Variants in EDEM3 observed in about 807,000 individuals in gnomAD.
The protein encoded by EDEM3 is ER degradation-enhancing alpha-mannosidase-like protein 3.
A neutral mutation model predicts 110.2 loss-of-function variants in EDEM3; 60 were observed. The observed-to-expected ratio is 0.54, with a 90% CI of 0.44 to 0.67. EDEM3 has a LOEUF of 0.67. EDEM3 is among the 30% of genes least tolerant of loss of function. The probability of loss-of-function intolerance (pLI) is 0.00; values close to 1 mark genes in which losing one functional copy is unlikely to be tolerated. For synonymous variants in EDEM3, 352 were observed against 382.9 expected, an observed-to-expected ratio of 0.92 and a Z score of 0.94; for missense variants, 996 against 1,121.0, an observed-to-expected ratio of 0.89 and a Z score of 1.59.
In EDEM3 at chr1:184,717,647, G is replaced by T. The variant is rs1459379582; in HGVS notation, c.1162-24C>A. 5 of 1,559,508 alleles carry T rather than the reference G, an allele frequency of 3.2e-6. No homozygotes were observed. The Admixed American group carries it at 7.8e-5, about 24-fold the overall frequency. ...GCCTGAACAAAACAACATACAAAAG[G>T]CATAAAAAATGTGATTAAATACACA... On this transcript the variant is annotated intron_variant, in intron 11 of 19. Coordinates refer to ENST00000318130, the MANE Select transcript of EDEM3 (RefSeq NM_025191.4).
chr1:184,697,439 A>G (rs1243518976), intron 19 of EDEM3, among the ~76,000 whole-genome samples: 1 of 151,914 alleles, frequency 6.6e-6, no homozygotes. Context: ...AGAATCAGTG[A>G]GGGGAGAGTT....
chr1:184,725,737 A>C (rs1651155810), intron 7 of EDEM3, among the ~76,000 whole-genome samples: 1 of 152,004 alleles, frequency 6.6e-6, no homozygotes, highest in Non-Finnish European at 1.5e-5. Flanking sequence ...TTTTAATGAG[A>C]GACATAGCTA....
chr1:184,704,333 A>G (rs1649790991), intron 18 of EDEM3, among the ~76,000 whole-genome samples: 1 of 152,150 alleles, frequency 6.6e-6, no homozygotes, highest in Admixed American at 6.6e-5. Context: ...AGGAGAAAGA[A>G]GTCAACACAA....
chr1:184,717,631 A>G lies in EDEM3; in HGVS notation c.1162-8T>C, dbSNP rs780349606. ...GAAATCTGTGGTAAATGCCTGAACA[A>G]AACAACATACAAAAGGCATAAAAAA... On this transcript the variant is annotated splice_region_variant and splice_polypyrimidine_tract_variant and intron_variant, in intron 11 of 19. Coordinates refer to ENST00000318130, the MANE Select transcript of EDEM3 (RefSeq NM_025191.4). The G allele has an allele frequency of 8.8e-6, 14 of 1,589,848 alleles. No homozygotes were observed. In the African/African-American group the frequency reaches 1.8e-4, roughly 20 times the overall value.
intron 13 of EDEM3, among the ~76,000 whole-genome samples, chr1:184,714,915 T>A (rs1431585115): frequency 6.6e-6 from 1 of 152,122 alleles, no homozygotes; most frequent in Admixed American, 6.6e-5. Flanking sequence ...GAGCTGAACA[T>A]AATAAAGCTC....
chr1:184,711,771 G>A lies in EDEM3; in HGVS notation c.1643C>T (p.Pro548Leu). ...GCTCTTATCCACCACATTTTTCAAG[G>A]GCTCACGAATACTTTGAGCATACAA... ...DPLYAQSIRE[P>L]LKNVVDKSCP... Residue 548 changes from proline to leucine, a missense_variant, in exon 15 of 20, where the codon CCC (proline) becomes CTC (leucine). Physicochemically the swap from Pro to Leu is moderately conservative, Grantham distance 98. Coordinates refer to ENST00000318130, the MANE Select transcript of EDEM3 (RefSeq NM_025191.4). 6.2e-7 allele frequency: 1 copy of A among 1,613,068 alleles called. No homozygotes were observed. Among genetic ancestry groups the A allele is most frequent in the South Asian group, 1.1e-5 (1 of 90,942 alleles).
chr1:184,704,101 A>G (rs1649778558), intron 18 of EDEM3, among the ~76,000 whole-genome samples: 1 of 152,154 alleles, frequency 6.6e-6, no homozygotes, highest in Non-Finnish European at 1.5e-5. Flanking sequence ...CTCCTGGTGA[A>G]TCCTAGTTGT....
rs781417752 is a variant in EDEM3 at position 184,717,612 on chromosome 1, T to A, written c.1173A>T (p.Thr391=). 2 of 1,601,540 alleles carry A rather than the reference T, an allele frequency of 1.2e-6. No homozygotes were observed. The highest frequency in any genetic ancestry group is 2.3e-5 in the South Asian group (2 of 88,702). ...KHNFLPEAFT[T]DFRVHWAQHP... ...GTTGAGCCCAGTGTACTCTGAAATC[T>A]GTGGTAAATGCCTGAACAAAACAAC... The change falls in exon 12 of 20, where the codon ACA becomes ACT. Residue 391 remains threonine (T), a synonymous_variant. Coordinates refer to ENST00000318130, the MANE Select transcript of EDEM3 (RefSeq NM_025191.4).
At chr1:184,732,418 T>C (rs1337192463) in intron 6 of EDEM3, among the ~76,000 whole-genome samples, 4 of 152,220 alleles carry the variant, frequency 2.6e-5, no homozygotes, top group Admixed American at 6.5e-5. Context: ...AACAGAGCGA[T>C]TACAGTCAAC....
chr1:184,710,387 G>A lies in EDEM3; in HGVS notation c.1845+7C>T. ...GACGGTATCTAATTAGTGTAGCAAT[G>A]TCTTACTTGGATTGCATGTTGGACC... On this transcript the variant is annotated splice_region_variant and intron_variant, in intron 16 of 19. Coordinates refer to ENST00000318130, the MANE Select transcript of EDEM3 (RefSeq NM_025191.4). The A allele has an allele frequency of 6.2e-7, 1 of 1,613,448 alleles. No individual in the cohort carries two copies. Among genetic ancestry groups the A allele is most frequent in the Non-Finnish European group, 8.5e-7 (1 of 1,179,660 alleles).
At position 184,726,369 on chromosome 1, in the gene EDEM3, G is replaced by C; in HGVS notation, c.633C>G (p.Ile211Met). Residue 211 changes from isoleucine (I) to methionine (M), a missense_variant, in exon 7 of 20, where the codon ATC becomes ATG. Coordinates refer to ENST00000318130, the MANE Select transcript of EDEM3 (RefSeq NM_025191.4). ...PYPRINLKFG[I>M]RKPEARTGTE... is the part of the protein sequence containing the mutation. ...TTCCTGTCCGAGCTTCTGGTTTTCT[G>C]ATGCCAAACTTTAAATTAATCTGAA... The C allele has an allele frequency of 6.2e-7, 1 of 1,613,250 alleles. No homozygotes were observed. Among genetic ancestry groups the C allele is most frequent in the South Asian group, 1.1e-5 (1 of 90,972 alleles).
At position 184,734,523 on chromosome 1, in the gene EDEM3, A is replaced by G. The variant is rs1233310587; in HGVS notation, c.458+8T>C. On this transcript the variant is annotated splice_region_variant and intron_variant, in intron 5 of 19. Transcript: ENST00000318130. ...TAAAATTATAGCTTTAGTGTCTTTC[A>G]TACTTACCCAAGAACTCTGATGTTT... is the stretch of plus-strand genomic sequence containing the variant. 3 of 1,272,828 alleles carry G rather than the reference A, an allele frequency of 2.4e-6. No individual in the cohort carries two copies. In the African/African-American group the frequency reaches 4.7e-5, roughly 20 times the overall value. The allele number at this position is 1,272,828 out of a possible 1,614,324, so 78.8% of individuals were successfully genotyped here. A position where few individuals can be genotyped will look rare whatever the true frequency, so the allele number is the denominator to read the frequency against.
At chr1:184,742,193 A>T (rs536233713) in intron 2 of EDEM3, among the ~76,000 whole-genome samples, 4 of 152,328 alleles carry the variant, frequency 2.6e-5, no homozygotes, top group Non-Finnish European at 5.9e-5. Flanking sequence ...TAACTTTCAA[A>T]GCAGGTTAAA....
In EDEM3 at chr1:184,693,737, TTTC is replaced by T; in HGVS notation, c.*323_*325del. 4.9e-6 allele frequency: 1 copy of T among 206,052 alleles called. No homozygotes were observed. Among genetic ancestry groups the T allele is most frequent in the Non-Finnish European group, 9.8e-6 (1 of 101,532 alleles). 12.8% of individuals were successfully genotyped at this position (206,052 alleles called of 1,614,324 possible). A position where few individuals can be genotyped will look rare whatever the true frequency, so the allele number is the denominator to read the frequency against. ...CCACTCCACTACTAAATGAATTTTG[TTTC>T]TTGTCTATCCAGAGACAACAGAAAT... On this transcript the variant is annotated 3_prime_UTR_variant, in exon 20 of 20. Coordinates refer to ENST00000318130, the MANE Select transcript of EDEM3 (RefSeq NM_025191.4).
At chr1:184,708,484 C>T in intron 16 of EDEM3, 140 bp from the exon 17 acceptor site, 2 of 722,224 alleles carry the variant, frequency 2.8e-6, no homozygotes, top group East Asian at 3.2e-5. Context: ...TATTTATGAC[C>T]TTATTTGTAC....
chr1:184,717,292 C>T (rs930444014), intron 12 of EDEM3, among the ~76,000 whole-genome samples: 2 of 151,926 alleles, frequency 1.3e-5, no homozygotes, highest in African/African-American at 4.8e-5. Flanking sequence ...CTTTAGAAAG[C>T]AGCTCTAGAA....
In EDEM3 at chr1:184,711,851, G is replaced by C; in HGVS notation, c.1563C>G (p.Asp521Glu). The C allele has an allele frequency of 6.2e-7, 1 of 1,612,800 alleles. No individual in the cohort carries two copies. Among genetic ancestry groups the C allele is most frequent in the Non-Finnish European group, 8.5e-7 (1 of 1,179,332 alleles). ...TTGGACAAGTCCAATCGAAGTTACT[G>C]TCATCCAGTTCTGTATATTCCGAGG... is the stretch of plus-strand genomic sequence containing the variant. The part of the protein sequence containing the change: ...NTTSEYTELD[D>E]SNFDWTCPNT... Residue 521 changes from aspartate to glutamate, a missense_variant, in exon 15 of 20, where the codon GAC becomes GAG. Coordinates refer to ENST00000318130, the MANE Select transcript of EDEM3 (RefSeq NM_025191.4).
rs752489519 is a variant in EDEM3 at position 184,705,348 on chromosome 1, C to T, written c.2203+1295G>A. 4.3e-4 allele frequency among the ~76,000 whole-genome samples: 66 copies of T among 152,090 alleles called. 1 individual carries two copies. The highest frequency in any genetic ancestry group is 7.1e-4 in the Non-Finnish European group (48 of 68,004). On this transcript the variant is annotated intron_variant, in intron 18 of 19. Coordinates refer to ENST00000318130, the MANE Select transcript of EDEM3 (RefSeq NM_025191.4). ...AAAGAGCATGATTTAAGTCAGGGGT[C>T]GGCAAATCTCTTCTGTAACTGGCTA...
chr1:184,744,477 A>C (rs1185847437), intron 2 of EDEM3, among the ~76,000 whole-genome samples: 2 of 151,612 alleles, frequency 1.3e-5, no homozygotes, highest in Non-Finnish European at 3.0e-5. Context: ...GAAATGCAAA[A>C]TATTATAGCC....
Sources: allele counts gnomAD v4.1 joint callset (sites outside exome capture counted in the v4.1 genomes callset), GRCh38; gene constraint gnomAD v4.1.1; transcripts MANE v1.5; gene names NCBI Gene and HGNC (gene_info 2026-07-23, HGNC 2026-07-21).